Variants in TKFC observed in about 807,000 individuals in gnomAD.
TKFC encodes triokinase/FMN cyclase.
A neutral mutation model predicts 61.0 loss-of-function variants in TKFC; 46 were observed. The observed-to-expected ratio is 0.75, with a 90% CI of 0.60 to 0.96. The LOEUF (loss-of-function observed/expected upper bound fraction) is 0.96. Ranked by LOEUF, TKFC falls within the 50% of genes least tolerant of loss-of-function variation. TKFC has a pLI of 0.00. For missense variants in TKFC, 715 were observed against 777.5 expected, an observed-to-expected ratio of 0.92 and a Z score of 0.96; for synonymous variants, 314 against 330.1, an observed-to-expected ratio of 0.95 and a Z score of 0.53.
At chr11:61,338,528 T>C (rs985988306) in intron 3 of TKFC, among the ~76,000 whole-genome samples, 1 of 152,134 alleles carries the variant, frequency 6.6e-6, no homozygotes, top group Non-Finnish European at 1.5e-5. Flanking sequence ...GCTTCTTTCC[T>C]GTGTGGAGCC....
At position 61,339,126 on chromosome 11, in the gene TKFC, C is replaced by A. The variant is rs1386297379; in HGVS notation, c.254C>A (p.Ala85Glu). Residue 85 changes from alanine (A) to glutamate (E), a missense_variant, in exon 4 of 18, where the codon GCA becomes GAA. Coordinates refer to ENST00000394900, the MANE Select transcript of TKFC (RefSeq NM_015533.4). Reference sequence around the variant, plus strand: ...GCGGGAGCTGTGTTCACCTCCCCGGCAGTGGGCAGCATCCTGGCAGCCATC... The same window carrying A: ...GCGGGAGCTGTGTTCACCTCCCCGGAAGTGGGCAGCATCCTGGCAGCCATC... ...VIAGAVFTSP[A>E]VGSILAAIRA... 6.2e-7 allele frequency: 1 copy of A among 1,613,690 alleles called. No individual in the cohort carries two copies. Among genetic ancestry groups the A allele is most frequent in the African/African-American group, 1.3e-5 (1 of 74,952 alleles).
At position 61,349,176 on chromosome 11, in the gene TKFC, G is replaced by A. The variant is rs982716690; in HGVS notation, c.*2673G>A. On this transcript the variant is annotated 3_prime_UTR_variant, in exon 18 of 18. Transcript: ENST00000394900. ...AACACTTAGGAGCAAGACCCTTCCC[G>A]CTCTCCACCCTATTTCCTCCCCTGA... 6 of 229,148 alleles carry A rather than the reference G, an allele frequency of 2.6e-5. No homozygotes were observed. Among genetic ancestry groups the A allele is most frequent in the Admixed American group, 1.4e-4 (3 of 21,588 alleles). The allele number at this position is 229,148 out of a possible 1,614,324, so 14.2% of individuals were successfully genotyped here. A position where few individuals can be genotyped will look rare whatever the true frequency, so the allele number is the denominator to read the frequency against.
At chr11:61,340,262 T>G (rs1178033388) in intron 5 of TKFC, among the ~76,000 whole-genome samples, 2 of 151,002 alleles carry the variant, frequency 1.3e-5, no homozygotes, top group Non-Finnish European at 2.9e-5. Context: ...TCTGCCCGCC[T>G]CGGCCTCCCA....
chr11:61,353,311 C>A, downstream of TKFC: 1 of 806,356 alleles, frequency 1.2e-6, no homozygotes, highest in Non-Finnish European at 1.9e-6. Context: ...GCCTATTACC[C>A]AAGCAACAAG....
Position 61,346,170 on chromosome 11 carries a change from T to C in TKFC, c.1576-181T>C. 2 of 1,428,830 alleles carry C rather than the reference T, an allele frequency of 1.4e-6. No homozygotes were observed. Among genetic ancestry groups the C allele is most frequent in the Non-Finnish European group, 1.9e-6 (2 of 1,074,096 alleles). 88.5% of individuals were successfully genotyped at this position (1,428,830 alleles called of 1,614,324 possible). A position where few individuals can be genotyped will look rare whatever the true frequency, so the allele number is the denominator to read the frequency against. On this transcript the variant is annotated intron_variant, in intron 17 of 17. Transcript: ENST00000394900. This position sits in a 1 kb window ranked among gnomAD's most constrained non-coding sequence, Gnocchi z 4.1. The stretch of plus-strand genomic sequence containing the variant: ...ACAGGGCCTCAGTGAATGGTGACCC[T>C]TTTCCCTGCTGGAAGTAGATGAGAA...
intron 2 of TKFC, chr11:61,335,370 T>G (rs1034423489): frequency 6.5e-6 from 1 of 153,254 alleles, no homozygotes; most frequent in Admixed American, 6.5e-5. Flanking sequence ...TGACTTCCTT[T>G]CCTTTTCCAT....
At chr11:61,338,498 C>A (rs1856709984) in intron 3 of TKFC, among the ~76,000 whole-genome samples, 1 of 152,204 alleles carries the variant, frequency 6.6e-6, no homozygotes, top group Non-Finnish European at 1.5e-5. Flanking sequence ...CCTGCTGTGT[C>A]CCACTTGTGG....
In TKFC at chr11:61,345,040, G is replaced by A. The variant is rs533711155; in HGVS notation, c.1241-220G>A. ...CAAGCCAGGGAGCAGAGTACAGAGC[G>A]TCAAGTGGAGGGCTTCGGGGCAGGC... On this transcript the variant is annotated intron_variant, in intron 13 of 17. Transcript: ENST00000394900. 3.9e-5 allele frequency among the ~76,000 whole-genome samples: 6 copies of A among 152,352 alleles called. No individual in the cohort carries two copies. The East Asian group carries it at 7.7e-4, about 20-fold the overall frequency.
rs371043005 is a variant in TKFC at position 61,342,582 on chromosome 11, C to A, written c.699C>A (p.Thr233=). Residue 233 remains threonine, a synonymous_variant, in exon 9 of 18, where the codon ACC becomes ACA. Coordinates refer to ENST00000394900, the MANE Select transcript of TKFC (RefSeq NM_015533.4). ...EAGVRRIKMA[T]ADEIVKLMLD... is the part of the protein sequence containing the mutation. The stretch of plus-strand genomic sequence containing the variant: ...CTGGCTCCCTCTGACAGATGGCAAC[C>A]GCCGATGAGATTGTGAAACTCATGC... 6.2e-7 allele frequency: 1 copy of A among 1,613,906 alleles called. No homozygotes were observed. Among genetic ancestry groups the A allele is most frequent in the Non-Finnish European group, 8.5e-7 (1 of 1,180,040 alleles).
At chr11:61,350,272 A>C (rs974896577), downstream of TKFC, 4 of 1,262,390 alleles carry the variant, frequency 3.2e-6, no homozygotes, top group African/African-American at 6.0e-5. Context: ...CCCAGGCAAG[A>C]AGTCTGGGCC....
At chr11:61,335,073 C>T (rs942751302) in intron 2 of TKFC, among the ~76,000 whole-genome samples, 1 of 152,170 alleles carries the variant, frequency 6.6e-6, no homozygotes, top group Non-Finnish European at 1.5e-5. Flanking sequence ...TGAAGAATGA[C>T]CATGTGACCG....
Position 61,343,871 on chromosome 11 carries a change from C to T in TKFC, c.998C>T (p.Ala333Val), listed in dbSNP as rs758708774. 15 of 1,609,686 alleles carry T rather than the reference C, an allele frequency of 9.3e-6. No homozygotes were observed. The highest frequency in any genetic ancestry group is 8.9e-5 in the East Asian group (4 of 44,894). Reference sequence around the variant, plus strand: ...CTGCCCTTAGATGCTGAAACCACTGCAGCAGCCTGGCCTAACGTGGCTGCA... The same window carrying T: ...CTGCCCTTAGATGCTGAAACCACTGTAGCAGCCTGGCCTAACGTGGCTGCA... ...LLKLIDAETT[A>V]AAWPNVAAVS... The change falls in exon 12 of 18, where the codon GCA becomes GTA. Residue 333 changes from alanine to valine, a missense_variant. Ala to Val is a moderately conservative substitution (Grantham distance 64). Transcript: ENST00000394900.
At chr11:61,350,102 C>G, downstream of TKFC, 1 of 563,650 alleles carries the variant, frequency 1.8e-6, no homozygotes, top group Non-Finnish European at 3.2e-6. Flanking sequence ...GGAAAGCAGA[C>G]AGGCAGCAAG....
chr11:61,333,989 C>T (rs1178368477), intron 1 of TKFC: 2 of 152,466 alleles, frequency 1.3e-5, no homozygotes, highest in East Asian at 3.8e-4. Flanking sequence ...ACACAGAGGC[C>T]AACACGCTGC....
At position 61,345,742 on chromosome 11, in the gene TKFC, T is replaced by A. The variant is rs769568360; in HGVS notation, c.1482T>A (p.Thr494=). Residue 494 remains threonine (T), a synonymous_variant, in exon 16 of 18, where the codon ACT becomes ACA. Coordinates refer to ENST00000394900, the MANE Select transcript of TKFC (RefSeq NM_015533.4). ...GCAAGGCTGCTCCAGGGGACAGGAC[T>A]ATGGTATGTACTCAGGCTGTGGCCT... ...KYGKAAPGDR[T]MLDSLWAAGQ... The A allele has an allele frequency of 1.2e-6, 2 of 1,614,258 alleles. No individual in the cohort carries two copies. Among genetic ancestry groups the A allele is most frequent in the South Asian group, 2.2e-5 (2 of 91,088 alleles).
downstream of TKFC, chr11:61,351,181 G>A: frequency 6.4e-7 from 1 of 1,574,358 alleles, no homozygotes; most frequent in Non-Finnish European, 8.6e-7. Context: ...GCCCTCGAGA[G>A]ATTTTTCCAC....
At chr11:61,345,183 C>T (rs1857058884) in intron 13 of TKFC, 77 bp from the exon 14 acceptor site, 5 of 1,282,442 alleles carry the variant, frequency 3.9e-6, no homozygotes, top group African/African-American at 3.0e-5. Flanking sequence ...CTTTTCCAGC[C>T]TTCATTGGTG....
chr11:61,345,637 AG>A (rs1857085608), intron 15 of TKFC, 72 bp downstream of exon 15: 1 of 1,613,292 alleles, frequency 6.2e-7, no homozygotes, highest in Admixed American at 1.7e-5. Context: ...GCGCCCTGCC[AG>A]GCCCTAGCCC....
At position 61,344,214 on chromosome 11, in the gene TKFC, C is replaced by T; in HGVS notation, c.1181C>T (p.Ala394Val). Residue 394 changes from alanine to valine, a missense_variant, in exon 13 of 18, where the codon GCC becomes GTC. Physicochemically the swap from Ala to Val is moderately conservative, Grantham distance 64. Coordinates refer to ENST00000394900, the MANE Select transcript of TKFC (RefSeq NM_015533.4). Reference protein sequence around the residue: ...TLLGLEEHLNALDRAAGDGDC... With the variant: ...TLLGLEEHLNVLDRAAGDGDC... ...CTGGGCCTGGAGGAACACCTGAATG[C>T]CCTGGACCGGGCTGCTGGTGACGGC... The T allele has an allele frequency of 1.2e-6, 2 of 1,612,830 alleles. No individual in the cohort carries two copies. Among genetic ancestry groups the T allele is most frequent in the Non-Finnish European group, 1.7e-6 (2 of 1,180,032 alleles).
Sources: gnomAD v4.1 joint callset for allele counts (sites outside exome capture counted in the v4.1 genomes callset) on GRCh38, gnomAD v4.1.1 for gene constraint, Gnocchi (gnomAD v3.1) non-coding constraint, MANE v1.5 for transcripts, NCBI Gene and HGNC (gene_info 2026-07-23, HGNC 2026-07-21) for gene names.